Variants in KCNMB2 observed in about 807,000 individuals in gnomAD.
The protein encoded by KCNMB2 is calcium-activated potassium channel subunit beta-2.
KCNMB2 carries 9 observed loss-of-function variants against 24.5 expected under a neutral mutation model. That is an observed-to-expected ratio of 0.37 (90% CI 0.22 to 0.64). The LOEUF is 0.64. Ranked by LOEUF, KCNMB2 falls within the 30% of genes least tolerant of loss-of-function variation. KCNMB2 has a pLI of 0.63. For missense variants in KCNMB2, 226 were observed against 284.3 expected (o/e 0.79, Z 1.47); for synonymous variants, 109 against 104.4 (o/e 1.04, Z -0.27).
chr3:178,747,146 C>T (rs1723697624), intron 1 of KCNMB2: 1 of 152,664 alleles, frequency 6.6e-6, no homozygotes, highest in Admixed American at 6.5e-5. Flanking sequence ...GTTTAATGGG[C>T]TTACAGTTCC....
At chr3:178,809,463 A>C (rs1053377785) in intron 2 of KCNMB2, among the ~76,000 whole-genome samples, 10 of 152,182 alleles carry the variant, frequency 6.6e-5, no homozygotes, top group African/African-American at 1.4e-4. Flanking sequence ...AGATGAGGAA[A>C]CTGAGGCTTT....
chr3:178,798,896 A>G (rs1713662325), intron 1 of KCNMB2, among the ~76,000 whole-genome samples: 1 of 151,608 alleles, frequency 6.6e-6, no homozygotes, highest in Non-Finnish European at 1.5e-5. Context: ...TAAAATTAAG[A>G]AAAAAAAAGA....
rs370265267 is a variant in KCNMB2, at chr3:178,568,467, G to T, written c.-68+31756G>T. On this transcript the variant is annotated intron_variant, in intron 1 of 4. Coordinates refer to ENST00000452583, the MANE Select transcript of KCNMB2 (RefSeq NM_181361.3). ...CCCTCCAGATTACACATTCATAAAT[G>T]CCAGTGATATCTTGAACACTCATAA... is the stretch of plus-strand genomic sequence containing the variant. 2.6e-5 allele frequency among the ~76,000 whole-genome samples: 4 copies of T among 152,252 alleles called. No homozygotes were observed. The East Asian group carries it at 5.8e-4, about 22-fold the overall frequency.
At chr3:178,602,638 A>G (rs1419760129) in intron 1 of KCNMB2, among the ~76,000 whole-genome samples, 4 of 151,984 alleles carry the variant, frequency 2.6e-5, no homozygotes, top group Non-Finnish European at 5.9e-5. Flanking sequence ...GGTGGAAAGG[A>G]AGAATGGGAG....
At chr3:178,743,966 A>C (rs1723578683) in intron 1 of KCNMB2, among the ~76,000 whole-genome samples, 1 of 152,248 alleles carries the variant, frequency 6.6e-6, no homozygotes, top group South Asian at 2.1e-4. Flanking sequence ...GTGAAATATC[A>C]TTAGCAAATT....
intron 1 of KCNMB2, among the ~76,000 whole-genome samples, chr3:178,742,664 A>C (rs1242989735): frequency 6.6e-6 from 1 of 152,178 alleles, no homozygotes; most frequent in Non-Finnish European, 1.5e-5. Flanking sequence ...GCAACAAGGC[A>C]GTCATCGGAG....
At chr3:178,554,070 G>C (rs7640876) in intron 1 of KCNMB2, among the ~76,000 whole-genome samples, 91,811 of 151,838 alleles carry the variant, frequency 0.6, 28,377 homozygotes, top group African/African-American at 0.74. Flanking sequence ...CTCATCTCAT[G>C]CTGATGATAA....
chr3:178,749,883 A>C (rs1723787621), intron 1 of KCNMB2, among the ~76,000 whole-genome samples: 1 of 152,208 alleles, frequency 6.6e-6, no homozygotes, highest in Admixed American at 6.5e-5. Flanking sequence ...AAGCTGATTT[A>C]ATTTACCACT....
At chr3:178,568,928 G>A (rs1225853794) in intron 1 of KCNMB2, among the ~76,000 whole-genome samples, 1 of 151,932 alleles carries the variant, frequency 6.6e-6, no homozygotes, top group Non-Finnish European at 1.5e-5. Flanking sequence ...CTAGGACCTT[G>A]GTTTAAAAGA....
chr3:178,828,925 CTGTGTGTGTGTGTGTGTG>C lies in KCNMB2; in HGVS notation c.423+584_423+601del, dbSNP rs71181254. On this transcript the variant is annotated intron_variant, in intron 4 of 4. Coordinates refer to ENST00000452583, the MANE Select transcript of KCNMB2 (RefSeq NM_181361.3). ...GCATGCTACTTTCAACCCATGGTCA[CTGTGTGTGTGTGTGTGTG>C]TGTGTGTGTGTGTGTGTGTGTGTGT... 5.2e-3 allele frequency among the ~76,000 whole-genome samples: 736 copies of C among 142,836 alleles called. 4 individuals carry two copies. Among genetic ancestry groups the C allele is most frequent in the Non-Finnish European group, 8.0e-3 (522 of 65,558 alleles). The allele number at this position is 142,836 out of a possible 152,430, so 93.7% of individuals were successfully genotyped here.
At chr3:178,746,844 T>C (rs878992006) in intron 1 of KCNMB2, 2 of 152,688 alleles carry the variant, frequency 1.3e-5, no homozygotes, top group South Asian at 4.1e-4. Flanking sequence ...CTCATCTCCA[T>C]CTGAGACCAC....
chr3:178,749,194 A>G (rs951584881), intron 1 of KCNMB2: 1 of 152,218 alleles, frequency 6.6e-6, no homozygotes, highest in East Asian at 1.9e-4. Context: ...GGATATTAAT[A>G]TGTTTCACAC....
At chr3:178,723,673 T>C (rs888994940) in intron 1 of KCNMB2, among the ~76,000 whole-genome samples, 1 of 152,170 alleles carries the variant, frequency 6.6e-6, no homozygotes, top group East Asian at 1.9e-4. Flanking sequence ...CCAGTGTCTA[T>C]TGTTCCCATC....
chr3:178,810,487 T>C (rs1340464456), intron 2 of KCNMB2, among the ~76,000 whole-genome samples: 2 of 152,188 alleles, frequency 1.3e-5, no homozygotes, highest in African/African-American at 4.8e-5. Context: ...GCAGAGAAAC[T>C]TCAGTGGAAG....
chr3:178,759,673 T>C lies in KCNMB2; in HGVS notation c.-67-47670T>C, dbSNP rs1294296408. On this transcript the variant is annotated intron_variant, in intron 1 of 4. Coordinates refer to ENST00000452583, the MANE Select transcript of KCNMB2 (RefSeq NM_181361.3). ...TATATCTCCAAGAGGGATATATATA[T>C]ATATATCCAAGAGGATATATATACA... is the stretch of plus-strand genomic sequence containing the variant. 7.7e-5 allele frequency among the ~76,000 whole-genome samples: 8 copies of C among 104,422 alleles called. 1 individual carries two copies. The highest frequency in any genetic ancestry group is 3.0e-4 in the South Asian group (1 of 3,358). 68.5% of individuals were successfully genotyped at this position (104,422 alleles called of 152,430 possible).
intron 1 of KCNMB2, among the ~76,000 whole-genome samples, chr3:178,588,432 A>G (rs1717538611): frequency 6.6e-6 from 1 of 152,130 alleles, no homozygotes. Flanking sequence ...AGCAAGCCTC[A>G]AATGAAATCT....
At chr3:178,783,421 G>T (rs1383470583) in intron 1 of KCNMB2, among the ~76,000 whole-genome samples, 22 of 151,216 alleles carry the variant, frequency 1.5e-4, no homozygotes, top group Non-Finnish European at 2.7e-4. Flanking sequence ...TTCCTACCCA[G>T]GAGCATGGAA....
chr3:178,727,806 T>C (rs1196179048), intron 1 of KCNMB2, among the ~76,000 whole-genome samples: 1 of 152,194 alleles, frequency 6.6e-6, no homozygotes, highest in Non-Finnish European at 1.5e-5. Flanking sequence ...AACTATAAGA[T>C]AATAAATTTG....
chr3:178,735,018 T>C (rs1723271709), intron 1 of KCNMB2, among the ~76,000 whole-genome samples: 1 of 152,220 alleles, frequency 6.6e-6, no homozygotes, highest in South Asian at 2.1e-4. Context: ...GAGTAGTGAA[T>C]AAGACTAGGG....
Sources: allele counts gnomAD v4.1 joint callset (sites outside exome capture counted in the v4.1 genomes callset), GRCh38; gene constraint gnomAD v4.1.1; transcripts MANE v1.5; gene names NCBI Gene and HGNC (gene_info 2026-07-23, HGNC 2026-07-21).